Variants in SETBP1 observed in about 807,000 individuals in gnomAD.
The protein encoded by SETBP1 is SET-binding protein.
Under a neutral mutation model 101.0 loss-of-function variants are expected in SETBP1, and 9 were observed. The ratio of observed to expected loss-of-function variants is 0.09; its 90% CI spans 0.05 to 0.16. SETBP1 has a LOEUF of 0.16. Among genes scored for constraint, SETBP1 ranks in the 10% least tolerant of loss-of-function variants. The pLI is 1.00. For synonymous variants in SETBP1, 818 were observed against 788.5 expected, an observed-to-expected ratio of 1.04 and a Z score of -0.63; for missense variants, 1,858 against 2,033.8, an observed-to-expected ratio of 0.91 and a Z score of 1.66.
chr18:44,896,594 G>C (rs1000743409), intron 3 of SETBP1, among the ~76,000 whole-genome samples: 2 of 152,080 alleles, frequency 1.3e-5, no homozygotes, highest in African/African-American at 4.8e-5. Context: ...CTGGGTTCAA[G>C]CAATTCTGCC....
intron 4 of SETBP1, among the ~76,000 whole-genome samples, chr18:44,976,290 T>C (rs1266718969): frequency 2.0e-5 from 3 of 152,208 alleles, no homozygotes; most frequent in Non-Finnish European, 2.9e-5. Flanking sequence ...GTATTAACCC[T>C]GGGCTGTTGC....
At chr18:44,738,420 A>AT (rs1160881648) in intron 2 of SETBP1, among the ~76,000 whole-genome samples, 1 of 151,976 alleles carries the variant, frequency 6.6e-6, no homozygotes, top group Non-Finnish European at 1.5e-5. Flanking sequence ...ACTCAATTTC[A>AT]TTTTTCTGGA....
At chr18:45,023,734 T>G (rs2073113979) in intron 4 of SETBP1, among the ~76,000 whole-genome samples, 1 of 152,206 alleles carries the variant, frequency 6.6e-6, no homozygotes, top group Admixed American at 6.5e-5. Flanking sequence ...TAAATGCCTT[T>G]TAAATATTCA....
chr18:44,909,169 A>G (rs898605320), intron 3 of SETBP1, among the ~76,000 whole-genome samples: 1 of 152,222 alleles, frequency 6.6e-6, no homozygotes, highest in Non-Finnish European at 1.5e-5. Flanking sequence ...AGCAATTGAA[A>G]GGAAGGATGA....
At chr18:45,009,929 G>A (rs756215455) in intron 4 of SETBP1, among the ~76,000 whole-genome samples, 8 of 152,094 alleles carry the variant, frequency 5.3e-5, no homozygotes, top group Non-Finnish European at 8.8e-5. Flanking sequence ...GTTTAATCAC[G>A]TGTCCTTTCC....
chr18:45,039,069 C>T (rs533664688), intron 5 of SETBP1, among the ~76,000 whole-genome samples: 66 of 152,264 alleles, frequency 4.3e-4, no homozygotes, highest in African/African-American at 1.5e-3. Flanking sequence ...AAGCCTGCCC[C>T]AAGAACCTGT....
intron 2 of SETBP1, among the ~76,000 whole-genome samples, chr18:44,811,745 G>T (rs2071866496): frequency 6.6e-6 from 1 of 152,226 alleles, no homozygotes; most frequent in Non-Finnish European, 1.5e-5. Flanking sequence ...CAACACAGCT[G>T]TTCATGTCCC....
At chr18:44,989,816 C>T (rs1038791343) in intron 4 of SETBP1, among the ~76,000 whole-genome samples, 2 of 126,542 alleles carry the variant, frequency 1.6e-5, no homozygotes, top group African/African-American at 5.7e-5. Flanking sequence ...TTGCAGTGAG[C>T]CGAGATCCCG....
chr18:44,735,805 A>G (rs1442763706), intron 2 of SETBP1, among the ~76,000 whole-genome samples: 2 of 152,212 alleles, frequency 1.3e-5, no homozygotes, highest in Non-Finnish European at 2.9e-5. Context: ...ATGGTATAAG[A>G]TATTTCTTAC....
At chr18:44,982,952 G>T (rs1165689226) in intron 4 of SETBP1, among the ~76,000 whole-genome samples, 1 of 152,088 alleles carries the variant, frequency 6.6e-6, no homozygotes, top group Non-Finnish European at 1.5e-5. Flanking sequence ...ACTTTACAAG[G>T]TCATGGGATG....
intron 5 of SETBP1, among the ~76,000 whole-genome samples, chr18:45,050,260 G>T (rs921999380): frequency 6.6e-6 from 1 of 152,228 alleles, no homozygotes; most frequent in African/African-American, 2.4e-5. Context: ...ATGATACAAA[G>T]CATAGCTGTT....
chr18:44,926,702 C>G (rs937890174), intron 3 of SETBP1, among the ~76,000 whole-genome samples: 1 of 152,082 alleles, frequency 6.6e-6, no homozygotes, highest in Admixed American at 6.6e-5. Flanking sequence ...CAAAATCATC[C>G]ACACCAAGCT....
intron 2 of SETBP1, among the ~76,000 whole-genome samples, chr18:44,787,802 C>T (rs553257256): frequency 4.2e-5 from 5 of 119,430 alleles, no homozygotes; most frequent in East Asian, 2.5e-4. Context: ...TGCAGTGAGC[C>T]GAGATTGCGC....
chr18:44,754,024 C>T (rs1002738705), intron 2 of SETBP1, among the ~76,000 whole-genome samples: 3 of 152,232 alleles, frequency 2.0e-5, no homozygotes, highest in African/African-American at 4.8e-5. Context: ...GTAATACTCT[C>T]TCCTTGCATT....
At position 44,952,288 on chromosome 18, in the gene SETBP1, C is replaced by G. The variant is rs886053794; in HGVS notation, c.2948C>G (p.Pro983Arg). 2 of 1,613,968 alleles carry G rather than the reference C, an allele frequency of 1.2e-6. No individual in the cohort carries two copies. The highest frequency in any genetic ancestry group is 1.7e-6 in the Non-Finnish European group (2 of 1,180,036). The change falls in exon 4 of 6, where the codon CCC (proline) becomes CGC (arginine). Residue 983 changes from proline (P) to arginine (R), a missense_variant. By Grantham distance (103) the Pro-to-Arg change is moderately radical. Transcript: ENST00000649279. ...ACCTTCTACCACGAGAATCCATATCCCAGCATTTTTCGGATTAATTTTGAT... is the reference window on the plus strand; with the variant it reads ...ACCTTCTACCACGAGAATCCATATCGCAGCATTTTTCGGATTAATTTTGAT... ...SYTFYHENPY[P>R]SIFRINFDHY...
chr18:44,918,198 C>T (rs936067797), intron 3 of SETBP1, among the ~76,000 whole-genome samples: 7 of 152,184 alleles, frequency 4.6e-5, no homozygotes, highest in Non-Finnish European at 8.8e-5. Context: ...ACAGCCTGTT[C>T]CTCTGCATTA....
intron 1 of SETBP1, among the ~76,000 whole-genome samples, 197 bp downstream of exon 1, chr18:44,681,218 G>C (rs2068754471): frequency 6.6e-6 from 1 of 152,176 alleles, no homozygotes; most frequent in African/African-American, 2.4e-5. Flanking sequence ...GGGAATGAAC[G>C]GCAGGCTTCC....
At chr18:44,761,359 C>A (rs1353207080) in intron 2 of SETBP1, among the ~76,000 whole-genome samples, 1 of 152,194 alleles carries the variant, frequency 6.6e-6, no homozygotes, top group Non-Finnish European at 1.5e-5. Context: ...TAGAATACCA[C>A]AACTTATTCT....
chr18:44,852,595 C>T (rs1046010516), intron 2 of SETBP1, among the ~76,000 whole-genome samples: 21 of 152,118 alleles, frequency 1.4e-4, no homozygotes, highest in African/African-American at 5.1e-4. Context: ...AGGTATAAAG[C>T]ACATTCATGG....
Sources: gnomAD v4.1 joint callset for allele counts (sites outside exome capture counted in the v4.1 genomes callset) on GRCh38, gnomAD v4.1.1 for gene constraint, MANE v1.5 for transcripts, NCBI Gene and HGNC (gene_info 2026-07-23, HGNC 2026-07-21) for gene names.